Variants in DNAAF9 observed in about 807,000 individuals in gnomAD.
DNAAF9 encodes the protein shulin.
Under a neutral mutation model 167.0 loss-of-function variants are expected in DNAAF9, and 90 were observed. The observed-to-expected ratio is 0.54, with a 90% CI of 0.45 to 0.64. The LOEUF (loss-of-function observed/expected upper bound fraction) is 0.64. Ranked by LOEUF, DNAAF9 falls within the 30% of genes least tolerant of loss-of-function variation. The probability of loss-of-function intolerance (pLI) is 0.00; values close to 1 mark genes in which losing one functional copy is unlikely to be tolerated. For missense variants in DNAAF9, 1,315 were observed against 1,442.2 expected (o/e 0.91, Z 1.43); for synonymous variants, 491 against 508.8 (o/e 0.96, Z 0.47).
intron 3 of DNAAF9, among the ~76,000 whole-genome samples, chr20:3,380,541 C>G (rs578087194): frequency 6.6e-6 from 1 of 152,296 alleles, no homozygotes; most frequent in East Asian, 1.9e-4. Context: ...AGTGGCATCC[C>G]CTACCCAGTT....
rs190544130 is a variant in DNAAF9, at chr20:3,263,178, G to A, written c.2873+1260C>T. ...TTCAGTAGAGATGGGGTTTCACCAC[G>A]TTAGCCAGGATGGTCTCGATCTTCT... On this transcript the variant is annotated intron_variant, in intron 31 of 36. Transcript: ENST00000252032. Among the ~76,000 whole-genome samples, 15 of 151,978 alleles carry A rather than the reference G, an allele frequency of 9.9e-5. No homozygotes were observed. The East Asian group carries it at 1.4e-3, about 14-fold the overall frequency.
chr20:3,286,951 T>C (rs1396922339), intron 27 of DNAAF9, among the ~76,000 whole-genome samples: 1 of 152,168 alleles, frequency 6.6e-6, no homozygotes, highest in African/African-American at 2.4e-5. Context: ...CCTGGAGTGG[T>C]GATGGGTCTG....
At chr20:3,310,230 A>G (rs905957928) in intron 20 of DNAAF9, among the ~76,000 whole-genome samples, 2 of 151,396 alleles carry the variant, frequency 1.3e-5, no homozygotes, top group Admixed American at 1.3e-4. Context: ...CTAATGATCG[A>G]GAGAAAGAGA....
chr20:3,261,777 C>T (rs1435965946), intron 31 of DNAAF9, among the ~76,000 whole-genome samples: 1 of 105,316 alleles, frequency 9.5e-6, no homozygotes, highest in African/African-American at 4.2e-5. Flanking sequence ...TTTTGCAAGA[C>T]TGACCTGTCT....
At chr20:3,340,029 G>C (rs1055296355) in intron 10 of DNAAF9, among the ~76,000 whole-genome samples, 11 of 152,166 alleles carry the variant, frequency 7.2e-5, no homozygotes, top group Non-Finnish European at 4.4e-5. Context: ...CAGGTCTAAT[G>C]TTTTCTTTAA....
chr20:3,406,663 C>T (rs1197056769), intron 1 of DNAAF9, among the ~76,000 whole-genome samples: 1 of 152,096 alleles, frequency 6.6e-6, no homozygotes, highest in Admixed American at 6.6e-5. Flanking sequence ...TCCCCACGAT[C>T]ACCCCCTCCC....
rs548283536 is a variant in DNAAF9, at chr20:3,353,084, T to C, written c.691-4461A>G. ...TATAACACATTATATATAACATGTA[T>C]ACAGATGTTATATAATATATACAGA... On this transcript the variant is annotated intron_variant, in intron 7 of 36. Transcript: ENST00000252032. 6.1e-4 allele frequency among the ~76,000 whole-genome samples: 90 copies of C among 148,078 alleles called. No homozygotes were observed. In the South Asian group the frequency reaches 0.019, roughly 31 times the overall value.
Position 3,332,876 on chromosome 20 carries a change from ATGCGTGTG to A in DNAAF9, c.982-523_982-516del, listed in dbSNP as rs948952464. Among the ~76,000 whole-genome samples, 59 of 142,592 alleles carry A rather than the reference ATGCGTGTG, an allele frequency of 4.1e-4. No homozygotes were observed. In the East Asian group the frequency reaches 5.7e-3, roughly 14 times the overall value. 93.5% of individuals were successfully genotyped at this position (142,592 alleles called of 152,430 possible). A position where few individuals can be genotyped will look rare whatever the true frequency, so the allele number is the denominator to read the frequency against. ...TCTTTTGGTGCGTGTGCGTGCGTGC[ATGCGTGTG>A]TGCGTGTGTGCGTGTGGTGTGTGTG... On this transcript the variant is annotated intron_variant, in intron 10 of 36. Coordinates refer to ENST00000252032, the MANE Select transcript of DNAAF9 (RefSeq NM_001009984.3).
chr20:3,278,288 C>T (rs1045119507), intron 29 of DNAAF9, among the ~76,000 whole-genome samples: 1 of 152,116 alleles, frequency 6.6e-6, no homozygotes, highest in African/African-American at 2.4e-5. Context: ...ACTCAGCACT[C>T]TTGGGGCAGA....
At chr20:3,350,516 G>C (rs780220407) in intron 7 of DNAAF9, among the ~76,000 whole-genome samples, 1 of 152,088 alleles carries the variant, frequency 6.6e-6, no homozygotes. Flanking sequence ...ATATTTCCTA[G>C]CTCTATCTAC....
intron 6 of DNAAF9, among the ~76,000 whole-genome samples, chr20:3,365,936 C>A (rs1289570426): frequency 1.3e-5 from 2 of 152,200 alleles, no homozygotes; most frequent in African/African-American, 4.8e-5. Flanking sequence ...AAGTCAGTCA[C>A]ATCTTCAGGC....
At chr20:3,306,629 T>C (rs1480877780) in intron 20 of DNAAF9, among the ~76,000 whole-genome samples, 1 of 152,184 alleles carries the variant, frequency 6.6e-6, no homozygotes, top group Non-Finnish European at 1.5e-5. Flanking sequence ...CCAAAGACAC[T>C]ATACCATGCT....
chr20:3,349,762 CA>C (rs2070277932), intron 7 of DNAAF9, among the ~76,000 whole-genome samples: 2 of 152,036 alleles, frequency 1.3e-5, no homozygotes, highest in Admixed American at 6.6e-5. Flanking sequence ...CATCAATTAA[CA>C]AAAAAACCCC....
chr20:3,349,348 C>T (rs911100532), intron 7 of DNAAF9, among the ~76,000 whole-genome samples: 1 of 152,038 alleles, frequency 6.6e-6, no homozygotes, highest in Non-Finnish European at 1.5e-5. Flanking sequence ...TGCTGCTACA[C>T]TACAGCCTGG....
At chr20:3,334,019 A>C (rs2069890160) in intron 10 of DNAAF9, among the ~76,000 whole-genome samples, 1 of 152,224 alleles carries the variant, frequency 6.6e-6, no homozygotes, top group Non-Finnish European at 1.5e-5. Flanking sequence ...TTCCTGGAAG[A>C]CTATAAAAAA....
At chr20:3,356,684 T>G (rs1159679994) in intron 7 of DNAAF9, among the ~76,000 whole-genome samples, 3 of 152,162 alleles carry the variant, frequency 2.0e-5, no homozygotes, top group Non-Finnish European at 4.4e-5. Flanking sequence ...ACTGTTACAG[T>G]CTGTTCTATG....
intron 21 of DNAAF9, among the ~76,000 whole-genome samples, chr20:3,303,378 A>C (rs1396243446): frequency 6.6e-6 from 1 of 152,170 alleles, no homozygotes; most frequent in Non-Finnish European, 1.5e-5. Context: ...TCTATTTGTG[A>C]AATTTAAATA....
At chr20:3,327,362 G>T (rs1029178542) in intron 12 of DNAAF9, among the ~76,000 whole-genome samples, 1 of 152,084 alleles carries the variant, frequency 6.6e-6, no homozygotes, top group Non-Finnish European at 1.5e-5. Context: ...AAATGTTCCT[G>T]GGAGTGGGGA....
At chr20:3,340,433 T>TCCGGGGGGGGGGGCCCCCCCC in intron 10 of DNAAF9, 71 bp downstream of exon 10, 1 of 221,214 alleles carries the variant, frequency 4.5e-6, no homozygotes, top group Non-Finnish European at 9.5e-6. Context: ...TTTGTCTAGC[T>TCCGGGGGGGGGGGCCCCCCCC]CCCCCCACCC....
Sources: allele counts gnomAD v4.1 joint callset (sites outside exome capture counted in the v4.1 genomes callset), GRCh38; gene constraint gnomAD v4.1.1; transcripts MANE v1.5; gene names NCBI Gene and HGNC (gene_info 2026-07-23, HGNC 2026-07-21).